The following ADGRV1 variants were observed in gnomAD, a reference collection of about 807,000 sequenced individuals.
ADGRV1 encodes adhesion G protein-coupled receptor V1.
A neutral mutation model predicts 596.2 loss-of-function variants in ADGRV1; 359 were observed. The ratio of observed to expected loss-of-function variants is 0.60; its 90% confidence interval spans 0.55 to 0.66. The LOEUF (loss-of-function observed/expected upper bound fraction) is 0.66, where lower values mean the gene tolerates loss of function less well. Among genes scored for constraint, ADGRV1 ranks in the 30% least tolerant of loss-of-function variants. The pLI, the probability that ADGRV1 is intolerant of heterozygous loss-of-function variation, is 0.00. For synonymous variants in ADGRV1, 2,681 were observed against 2,679.2 expected, an observed-to-expected ratio of 1.00 and a Z score of -0.02; for missense variants, 7,274 against 7,575.6, an observed-to-expected ratio of 0.96 and a Z score of 1.48.
intron 86 of ADGRV1, among the ~76,000 whole-genome samples, chr5:91,094,103 C>T (rs1582036786): frequency 1.3e-5 from 2 of 151,992 alleles, no homozygotes; most frequent in South Asian, 4.1e-4. Flanking sequence ...CTGCCAGCCT[C>T]CACCTCCCAA....
At chr5:91,058,509 G>A (rs1291147547) in intron 85 of ADGRV1, among the ~76,000 whole-genome samples, 2 of 151,178 alleles carry the variant, frequency 1.3e-5, no homozygotes, top group Admixed American at 6.6e-5. Flanking sequence ...AAGCTTTGTG[G>A]GAGTGGGACA....
intron 85 of ADGRV1, among the ~76,000 whole-genome samples, chr5:90,999,962 G>A (rs772398837): frequency 6.6e-6 from 1 of 152,026 alleles, no homozygotes; most frequent in Non-Finnish European, 1.5e-5. Context: ...CTTCTCAGAA[G>A]CAAGGATCTG....
intron 75 of ADGRV1, among the ~76,000 whole-genome samples, chr5:90,822,371 G>A (rs1168392627): frequency 6.6e-5 from 10 of 152,080 alleles, no homozygotes; most frequent in African/African-American, 9.7e-5. Flanking sequence ...GAAATCACCC[G>A]TCTTCTGCGT....
chr5:90,978,295 A>AAATAAATAAAT (rs1779795286), intron 84 of ADGRV1, among the ~76,000 whole-genome samples: 1 of 148,480 alleles, frequency 6.7e-6, no homozygotes, highest in African/African-American at 2.5e-5. Flanking sequence ...ACTTCATCTC[A>AAATAAATAAAT]AAATAAATAA....
intron 21 of ADGRV1, among the ~76,000 whole-genome samples, chr5:90,664,963 C>T (rs1253003917): frequency 6.6e-6 from 1 of 151,918 alleles, no homozygotes; most frequent in Non-Finnish European, 1.5e-5. Context: ...GGGATGAAGC[C>T]CACTTGATCA....
intron 50 of ADGRV1, among the ~76,000 whole-genome samples, chr5:90,738,529 G>A (rs1753543891): frequency 1.3e-5 from 2 of 151,970 alleles, no homozygotes; most frequent in Admixed American, 6.6e-5. Flanking sequence ...CTTTTGTCTG[G>A]GAAAAATTTA....
At chr5:90,805,047 C>T (rs1047602199) in intron 71 of ADGRV1, 13 of 322,080 alleles carry the variant, frequency 4.0e-5, no homozygotes, top group Non-Finnish European at 7.3e-5. Context: ...GGATGTTGTT[C>T]ATTCAAAAGA....
chr5:90,583,571 A>G (rs1758351409), intron 1 of ADGRV1, among the ~76,000 whole-genome samples: 1 of 152,120 alleles, frequency 6.6e-6, no homozygotes, highest in African/African-American at 2.4e-5. Flanking sequence ...AGCATAGGAG[A>G]TGAATGTAAC....
intron 88 of ADGRV1, among the ~76,000 whole-genome samples, chr5:91,151,053 G>T (rs1796009878): frequency 6.6e-6 from 1 of 152,088 alleles, no homozygotes; most frequent in Admixed American, 6.5e-5. Flanking sequence ...AAGGAGCCAA[G>T]GAAAACAGTA....
At chr5:91,049,591 A>G (rs1448930966) in intron 85 of ADGRV1, among the ~76,000 whole-genome samples, 1 of 152,204 alleles carries the variant, frequency 6.6e-6, no homozygotes, top group Non-Finnish European at 1.5e-5. Context: ...ATTCAAAATC[A>G]AGACAAATAT....
At chr5:91,124,358 AT>A (rs890562051) in intron 87 of ADGRV1, among the ~76,000 whole-genome samples, 1 of 152,156 alleles carries the variant, frequency 6.6e-6, no homozygotes, top group African/African-American at 2.4e-5. Context: ...ACAAAATAAA[AT>A]TTTTAAATGT....
chr5:90,709,028 A>T, intron 39 of ADGRV1, 119 bp downstream of exon 39: 1 of 645,510 alleles, frequency 1.5e-6, no homozygotes, highest in Non-Finnish European at 2.7e-6. Flanking sequence ...GTGTTAAAAT[A>T]TGATGGGCTT....
chr5:90,871,289 G>A (rs11738573), intron 83 of ADGRV1, among the ~76,000 whole-genome samples: 5 of 151,770 alleles, frequency 3.3e-5, no homozygotes, highest in African/African-American at 1.2e-4. Context: ...TTTTATTTTT[G>A]CTTTCTTTTT....
At chr5:91,089,269 C>T (rs57951891) in intron 86 of ADGRV1, among the ~76,000 whole-genome samples, 42 of 152,160 alleles carry the variant, frequency 2.8e-4, no homozygotes, top group African/African-American at 1.0e-3. Context: ...AAGTAATATA[C>T]ATACAGCTGT....
Position 90,756,966 on chromosome 5 carries a change from T to C in ADGRV1, c.11758-13T>C, listed in dbSNP as rs1755894540. The C allele has an allele frequency of 6.4e-7, 1 of 1,563,766 alleles. No individual in the cohort carries two copies. Among genetic ancestry groups the C allele is most frequent in the Admixed American group, 2.0e-5 (1 of 50,856 alleles). On this transcript the variant is annotated splice_polypyrimidine_tract_variant and intron_variant, in intron 56 of 89. Transcript: ENST00000405460. ...ATTTTATCTTGCCTTTCAATTATAT[T>C]CTTTACTTAAAGGGCGCTGGGGAAG... is the stretch of plus-strand genomic sequence containing the variant.
intron 60 of ADGRV1, 94 bp downstream of exon 60, chr5:90,774,397 G>A (rs1184139733): frequency 2.9e-6 from 2 of 689,240 alleles, no homozygotes; most frequent in East Asian, 5.6e-5. Context: ...GACAGGGTTA[G>A]GTTTCATAAT....
chr5:91,025,170 C>T (rs771263006), intron 85 of ADGRV1, among the ~76,000 whole-genome samples: 11 of 152,086 alleles, frequency 7.2e-5, no homozygotes, highest in Non-Finnish European at 1.3e-4. Flanking sequence ...CTAACATTTC[C>T]GTGCTTTTCT....
At chr5:90,919,345 T>C (rs909817232) in intron 83 of ADGRV1, among the ~76,000 whole-genome samples, 2 of 152,192 alleles carry the variant, frequency 1.3e-5, no homozygotes, top group African/African-American at 4.8e-5. Flanking sequence ...ACTAGACAGA[T>C]GGTATTTAGA....
chr5:90,663,813 T>C (rs1009864280), intron 21 of ADGRV1, among the ~76,000 whole-genome samples: 46 of 151,962 alleles, frequency 3.0e-4, no homozygotes, highest in African/African-American at 9.9e-4. Flanking sequence ...AGGGATCCAG[T>C]TTCAGCTTTC....
Sources: gnomAD v4.1 joint callset for allele counts (sites outside exome capture counted in the v4.1 genomes callset) on GRCh38, gnomAD v4.1.1 for gene constraint, MANE v1.5 for transcripts, NCBI Gene and HGNC (gene_info 2026-07-23, HGNC 2026-07-21) for gene names.